LRP1B: variants seen among roughly 807,000 people sequenced by gnomAD.
The protein encoded by LRP1B is LDL receptor related protein 1B, also known as low-density lipoprotein receptor-related protein 1B.
A neutral mutation model predicts 556.6 loss-of-function variants in LRP1B; 217 were observed. The observed-to-expected ratio is 0.39, with a 90% CI of 0.35 to 0.44. LRP1B has a LOEUF of 0.44. Ranked by LOEUF, LRP1B falls within the 20% of genes least tolerant of loss-of-function variation. LRP1B has a pLI of 1.00. For synonymous variants in LRP1B, 2,047 were observed against 1,865.8 expected, an observed-to-expected ratio of 1.10 and a Z score of -2.50; for missense variants, 5,053 against 5,620.8, an observed-to-expected ratio of 0.90 and a Z score of 3.23.
intron 20 of LRP1B, among the ~76,000 whole-genome samples, chr2:140,928,391 A>G (rs976479902): frequency 5.9e-5 from 9 of 152,264 alleles, no homozygotes; most frequent in South Asian, 4.1e-4. Context: ...CTCATTTTAC[A>G]TATCTATTGT....
At chr2:141,142,444 A>C (rs1254028913) in intron 7 of LRP1B, among the ~76,000 whole-genome samples, 1 of 152,226 alleles carries the variant, frequency 6.6e-6, no homozygotes, top group Non-Finnish European at 1.5e-5. Flanking sequence ...TAAATAACTC[A>C]TTAATTGATA....
At chr2:141,371,778 A>T (rs1296936697) in intron 3 of LRP1B, among the ~76,000 whole-genome samples, 2 of 152,070 alleles carry the variant, frequency 1.3e-5, no homozygotes, top group African/African-American at 4.8e-5. Flanking sequence ...TGGAGTCTTT[A>T]GGTTTTTCTA....
chr2:141,749,426 C>T (rs1036344772), intron 2 of LRP1B, among the ~76,000 whole-genome samples: 3 of 151,998 alleles, frequency 2.0e-5, no homozygotes, highest in Admixed American at 2.0e-4. Context: ...TTGCCTGAGG[C>T]CTGTTTTCAC....
At chr2:142,055,819 G>T (rs1314114485) in intron 1 of LRP1B, among the ~76,000 whole-genome samples, 1 of 152,232 alleles carries the variant, frequency 6.6e-6, no homozygotes, top group South Asian at 2.1e-4. Flanking sequence ...TTGTATATGA[G>T]TGTCTCTTCT....
chr2:140,397,541 A>T (rs1684307501), intron 66 of LRP1B, among the ~76,000 whole-genome samples: 1 of 152,204 alleles, frequency 6.6e-6, no homozygotes, highest in Non-Finnish European at 1.5e-5. Flanking sequence ...ATAGTCATAC[A>T]ACACAGGGGC....
intron 7 of LRP1B, among the ~76,000 whole-genome samples, chr2:141,089,073 A>G (rs1269460934): frequency 6.6e-6 from 1 of 152,228 alleles, no homozygotes; most frequent in Non-Finnish European, 1.5e-5. Context: ...TTAAGTGACT[A>G]CCTGGAAATA....
chr2:140,861,271 G>T (rs1206120456), intron 27 of LRP1B, among the ~76,000 whole-genome samples: 5 of 152,116 alleles, frequency 3.3e-5, no homozygotes, highest in Admixed American at 1.3e-4. Context: ...GCTGGACAAG[G>T]TGGCACGTGA....
chr2:141,760,374 C>T (rs1694496092), intron 2 of LRP1B, among the ~76,000 whole-genome samples: 1 of 152,096 alleles, frequency 6.6e-6, no homozygotes, highest in Non-Finnish European at 1.5e-5. Flanking sequence ...GTGAAAATGT[C>T]ATAATAGATG....
intron 2 of LRP1B, among the ~76,000 whole-genome samples, chr2:141,493,486 C>T (rs150497850): frequency 9.9e-5 from 15 of 152,216 alleles, no homozygotes; most frequent in Non-Finnish European, 1.3e-4. Context: ...TTACCAACAG[C>T]CATAAATAGG....
chr2:140,514,953 G>A (rs956402998), intron 50 of LRP1B, among the ~76,000 whole-genome samples, 181 bp from the exon 51 acceptor site: 11 of 151,868 alleles, frequency 7.2e-5, no homozygotes, highest in Non-Finnish European at 1.5e-4. Context: ...TATTCCCTCT[G>A]TGTTTCCAGG....
At chr2:141,211,303 T>TAAA (rs113276473) in intron 6 of LRP1B, among the ~76,000 whole-genome samples, 6 of 137,984 alleles carry the variant, frequency 4.3e-5, no homozygotes, top group African/African-American at 1.7e-4. Context: ...TTCTTTTTTT[T>TAAA]TAAAAAAAAA....
rs759391993 is a variant in LRP1B at position 140,666,325 on chromosome 2, CACACA to C, written c.6799+33920_6799+33924del. On this transcript the variant is annotated intron_variant, in intron 41 of 90. Transcript: ENST00000389484. ...ATACACACACACACACACACACACACACACACCACACAAATAAATTGCCTCCCAAA... is the reference window on the plus strand; with the variant it reads ...ATACACACACACACACACACACACACCCACACAAATAAATTGCCTCCCAAA... 3.2e-5 allele frequency among the ~76,000 whole-genome samples: 4 copies of C among 123,634 alleles called. No homozygotes were observed. The East Asian group carries it at 8.6e-4, about 26-fold the overall frequency. The allele number at this position is 123,634 out of a possible 152,430, so 81.1% of individuals were successfully genotyped here. A position where few individuals can be genotyped will look rare whatever the true frequency, so the allele number is the denominator to read the frequency against.
chr2:141,449,376 T>A (rs1681322600), intron 3 of LRP1B, among the ~76,000 whole-genome samples: 1 of 152,196 alleles, frequency 6.6e-6, no homozygotes, highest in Non-Finnish European at 1.5e-5. Flanking sequence ...ATTTAAATAT[T>A]TTACTGTAAG....
At chr2:140,323,495 C>A (rs1300877739) in intron 81 of LRP1B, among the ~76,000 whole-genome samples, 2 of 151,898 alleles carry the variant, frequency 1.3e-5, no homozygotes, top group South Asian at 2.1e-4. Context: ...CTATTAACAC[C>A]TAATGCTAAA....
chr2:141,127,440 G>A (rs181862432), intron 7 of LRP1B, among the ~76,000 whole-genome samples: 136 of 152,210 alleles, frequency 8.9e-4, no homozygotes, highest in African/African-American at 3.0e-3. Context: ...AGATGCACAC[G>A]TATGTTTATT....
chr2:140,447,219 A>T (rs1607387), intron 63 of LRP1B, among the ~76,000 whole-genome samples: 25,835 of 152,030 alleles, frequency 0.17, 2,461 homozygotes, highest in Non-Finnish European at 0.22. Context: ...TAGAAATGTA[A>T]ATTAGTACAG....
At chr2:141,269,705 C>T (rs1308323903) in intron 3 of LRP1B, among the ~76,000 whole-genome samples, 3 of 152,048 alleles carry the variant, frequency 2.0e-5, no homozygotes, top group East Asian at 1.9e-4. Flanking sequence ...TGCTAAAATA[C>T]ATTACATAAA....
At chr2:141,085,017 A>G (rs1424318831) in intron 7 of LRP1B, among the ~76,000 whole-genome samples, 1 of 151,910 alleles carries the variant, frequency 6.6e-6, no homozygotes. Flanking sequence ...TTTCCCCCCA[A>G]TTTATTATAC....
intron 41 of LRP1B, among the ~76,000 whole-genome samples, chr2:140,619,900 T>C (rs992540658): frequency 6.6e-6 from 1 of 152,192 alleles, no homozygotes; most frequent in Admixed American, 6.5e-5. Flanking sequence ...ACAAATATGA[T>C]AGATTCATAC....
Sources: allele counts gnomAD v4.1 joint callset (sites outside exome capture counted in the v4.1 genomes callset), GRCh38; gene constraint gnomAD v4.1.1; transcripts MANE v1.5; gene names NCBI Gene and HGNC (gene_info 2026-07-23, HGNC 2026-07-21).